The following SLC67A1 variants were observed in gnomAD, a reference collection of about 807,000 sequenced individuals.
SLC67A1 encodes solute carrier family 67 member A1.
the SLC67A1 span, chr11:2,915,277 GC>G: frequency 1.5e-5 from 14 of 964,976 alleles, no homozygotes; most frequent in Non-Finnish European, 1.6e-5. Context: ...GTACAAGTTT[GC>G]CCGTGTGTGT....
At chr11:2,913,307 T>C in the SLC67A1 span, among the ~76,000 whole-genome samples, 97 of 152,216 alleles carry the variant, frequency 6.4e-4, no homozygotes, top group Admixed American at 1.3e-3. Context: ...CCCGCTGAGA[T>C]GGTTCTGGCC....
chr11:2,911,783 C>T, the SLC67A1 span, among the ~76,000 whole-genome samples: 2 of 152,272 alleles, frequency 1.3e-5, no homozygotes, highest in African/African-American at 2.4e-5. Context: ...CCTGCAGGCC[C>T]GTCTACGAGG....
chr11:2,921,295 A>G, the SLC67A1 span: 1 of 151,648 alleles, frequency 6.6e-6, no homozygotes, highest in Non-Finnish European at 1.5e-5. Context: ...GTGTGAAAGT[A>G]AGATTTTTAA....
At chr11:2,900,584 T>C in the SLC67A1 span, among the ~76,000 whole-genome samples, 3 of 148,428 alleles carry the variant, frequency 2.0e-5, no homozygotes, top group Non-Finnish European at 4.4e-5. Context: ...TCCCAGCTAC[T>C]CGGGAGGCTG....
chr11:2,919,543 G>A, the SLC67A1 span: 1 of 665,440 alleles, frequency 1.5e-6, no homozygotes, highest in Non-Finnish European at 2.7e-6. Context: ...AGGGTCCACA[G>A]GGAACCAGGC....
chr11:2,907,382 AG>A, the SLC67A1 span, among the ~76,000 whole-genome samples: 4 of 152,178 alleles, frequency 2.6e-5, no homozygotes, highest in African/African-American at 9.7e-5. This position sits in a 1 kb window ranked among gnomAD's most constrained non-coding sequence, Gnocchi z 6.7. Context: ...CACCTCTTCC[AG>A]CCCCTGGGAG....
At chr11:2,903,115 A>G in the SLC67A1 span, 3 of 1,014,822 alleles carry the variant, frequency 3.0e-6, no homozygotes, top group Non-Finnish European at 4.0e-6. Context: ...AGAGCTGTCA[A>G]AAGTGGAGGA....
At chr11:2,906,018 G>T in the SLC67A1 span, among the ~76,000 whole-genome samples, 1 of 152,196 alleles carries the variant, frequency 6.6e-6, no homozygotes, top group Non-Finnish European at 1.5e-5. Flanking sequence ...TTGGGTAGGC[G>T]AGGACAGGTG....
the SLC67A1 span, among the ~76,000 whole-genome samples, chr11:2,904,357 C>G: frequency 6.6e-6 from 1 of 152,318 alleles, no homozygotes; most frequent in African/African-American, 2.4e-5. Flanking sequence ...GGCAGAGGCT[C>G]CCAGCCCGAG....
the SLC67A1 span, chr11:2,903,520 C>T: frequency 6.2e-6 from 10 of 1,611,146 alleles, no homozygotes; most frequent in African/African-American, 2.7e-5. Context: ...CCTGCAGCCC[C>T]AGCCAGGGCT....
chr11:2,916,657 C>G, the SLC67A1 span: 1 of 1,612,780 alleles, frequency 6.2e-7, no homozygotes, highest in Non-Finnish European at 8.5e-7. Context: ...GCCCTGGCCA[C>G]CCTCCTGGGA....
the SLC67A1 span, among the ~76,000 whole-genome samples, chr11:2,910,124 T>C: frequency 6.6e-6 from 1 of 152,180 alleles, no homozygotes; most frequent in South Asian, 2.1e-4. Context: ...CGGAGGTCTC[T>C]AGGGCTGTGC....
the SLC67A1 span, chr11:2,914,856 G>A: frequency 4.1e-6 from 4 of 985,456 alleles, no homozygotes; most frequent in South Asian, 1.9e-4. Flanking sequence ...TCTCTCTGGG[G>A]CTGGCCACAG....
At chr11:2,917,054 G>GGAAGGCGTTA in the SLC67A1 span, 5 of 317,858 alleles carry the variant, frequency 1.6e-5, no homozygotes, top group South Asian at 1.9e-4. Context: ...GAGAGGCCTG[G>GGAAGGCGTTA]GGAGGACCAG....
At chr11:2,919,531 T>C in the SLC67A1 span, 1 of 706,886 alleles carries the variant, frequency 1.4e-6, no homozygotes, top group South Asian at 1.7e-5. Context: ...CTGGCACATG[T>C]CAGGGTCCAC....
chr11:2,914,816 C>T, the SLC67A1 span: 1 of 985,418 alleles, frequency 1.0e-6, no homozygotes, highest in Non-Finnish European at 1.2e-6. Flanking sequence ...ACGCAGGCCT[C>T]TGAGGCCAGG....
the SLC67A1 span, chr11:2,903,238 G>T: frequency 1.3e-6 from 2 of 1,530,026 alleles, no homozygotes; most frequent in African/African-American, 1.4e-5. Context: ...GTGCTGCCTG[G>T]GACCCAGTGA....
the SLC67A1 span, among the ~76,000 whole-genome samples, chr11:2,905,598 C>G: frequency 8.8e-3 from 1,340 of 152,216 alleles, 22 homozygotes; most frequent in African/African-American, 0.03. Flanking sequence ...TGGGTTGGTT[C>G]CAAGTCTTTG....
At chr11:2,915,700 C>T in the SLC67A1 span, among the ~76,000 whole-genome samples, 5 of 152,192 alleles carry the variant, frequency 3.3e-5, no homozygotes, top group Non-Finnish European at 5.9e-5. Flanking sequence ...TAGGAGTTTG[C>T]TCAGCTGCTG....
Sources: allele counts gnomAD v4.1 joint callset (sites outside exome capture counted in the v4.1 genomes callset), GRCh38; gene constraint gnomAD v4.1.1; non-coding constraint Gnocchi (gnomAD v3.1); transcripts MANE v1.5; gene names NCBI Gene and HGNC (gene_info 2026-07-23, HGNC 2026-07-21).